Variants in RGS22 observed in about 807,000 individuals in gnomAD.
RGS22 encodes regulator of G-protein signaling 22.
Under a neutral mutation model 172.9 loss-of-function variants are expected in RGS22, and 148 were observed. The observed-to-expected ratio is 0.86, with a 90% confidence interval of 0.75 to 0.98. The LOEUF (loss-of-function observed/expected upper bound fraction) is 0.98. Ranked by LOEUF, RGS22 falls within the 50% of genes least tolerant of loss-of-function variation. The pLI is 0.00. For synonymous variants in RGS22, 458 were observed against 480.2 expected, an observed-to-expected ratio of 0.95 and a Z score of 0.60; for missense variants, 1,347 against 1,440.8, an observed-to-expected ratio of 0.93 and a Z score of 1.05.
intron 10 of RGS22, among the ~76,000 whole-genome samples, chr8:100,050,379 C>T (rs1358608364): frequency 2.0e-5 from 3 of 152,138 alleles, no homozygotes; most frequent in African/African-American, 7.2e-5. Flanking sequence ...TCTCTGAAGG[C>T]GGGACCCCTG....
chr8:99,991,680 T>C (rs187261339), intron 20 of RGS22, among the ~76,000 whole-genome samples: 59 of 152,294 alleles, frequency 3.9e-4, no homozygotes, highest in African/African-American at 1.3e-3. Flanking sequence ...TGGAACCAAG[T>C]TGGAAAACAC....
chr8:100,053,937 A>G (rs1821982967), intron 9 of RGS22, among the ~76,000 whole-genome samples: 1 of 152,202 alleles, frequency 6.6e-6, no homozygotes, highest in Non-Finnish European at 1.5e-5. Flanking sequence ...CCTGGCCTAT[A>G]AACATTTTTA....
intron 20 of RGS22, among the ~76,000 whole-genome samples, chr8:99,995,427 A>C (rs1158140059): frequency 6.6e-6 from 1 of 152,208 alleles, no homozygotes; most frequent in Non-Finnish European, 1.5e-5. Flanking sequence ...CAAGAAAAAA[A>C]CAACCCCATC....
Position 100,064,035 on chromosome 8 carries a change from T to C in RGS22, c.733A>G (p.Ile245Val). 1 of 1,505,092 alleles carries C rather than the reference T, an allele frequency of 6.6e-7. No individual in the cohort carries two copies. Among genetic ancestry groups the C allele is most frequent in the Admixed American group, 2.3e-5 (1 of 43,454 alleles). The allele number at this position is 1,505,092 out of a possible 1,614,324, so 93.2% of individuals were successfully genotyped here. Residue 245 changes from isoleucine to valine, a missense_variant, in exon 8 of 28, where the codon ATC becomes GTC. Coordinates refer to ENST00000360863, the MANE Select transcript of RGS22 (RefSeq NM_015668.5). ...PAISSVSENFIFDDGVHPRTK... is the reference protein window; with the variant it reads ...PAISSVSENFVFDDGVHPRTK... ...CTAGGGTGAACTCCATCATCAAAGA[T>C]AAAATTCTCTGTATTAAGTCATAAA...
At position 99,988,051 on chromosome 8, in the gene RGS22, A is replaced by G. The variant is rs1435454826; in HGVS notation, c.3019-432T>C. ...TTTTAAAAAGTAAAAGTAGTTAAACATTTAATATTTCTCATTTTTAAGAAA... is the reference window on the plus strand; with the variant it reads ...TTTTAAAAAGTAAAAGTAGTTAAACGTTTAATATTTCTCATTTTTAAGAAA... On this transcript the variant is annotated intron_variant, in intron 20 of 27. Coordinates refer to ENST00000360863, the MANE Select transcript of RGS22 (RefSeq NM_015668.5). Among the ~76,000 whole-genome samples the G allele has an allele frequency of 3.3e-5, 5 of 151,352 alleles. No individual in the cohort carries two copies. The East Asian group carries it at 7.7e-4, about 23-fold the overall frequency.
chr8:100,073,314 T>C (rs1163304930), intron 4 of RGS22, among the ~76,000 whole-genome samples: 1 of 152,108 alleles, frequency 6.6e-6, no homozygotes, highest in Non-Finnish European at 1.5e-5. Context: ...CGACATCCAA[T>C]GTGCTGATGC....
At chr8:100,093,888 A>C (rs956165010) in intron 2 of RGS22, among the ~76,000 whole-genome samples, 2 of 152,192 alleles carry the variant, frequency 1.3e-5, no homozygotes, top group Non-Finnish European at 2.9e-5. Context: ...CATAAAAATA[A>C]AGGCAGAGTC....
intron 14 of RGS22, among the ~76,000 whole-genome samples, chr8:100,032,741 T>G (rs1201471105): frequency 6.6e-6 from 1 of 152,176 alleles, no homozygotes; most frequent in Non-Finnish European, 1.5e-5. Flanking sequence ...ATAGCACTTA[T>G]TCTAAAATTG....
chr8:100,080,962 TTGAGTTTGAA>T, intron 3 of RGS22: 1 of 152,240 alleles, frequency 6.6e-6, no homozygotes, highest in Non-Finnish European at 1.5e-5. Flanking sequence ...GTCAGGAGTC[TTGAGTTTGAA>T]TGCCAGCTTG....
chr8:99,993,504 A>C (rs1813993874), intron 20 of RGS22, among the ~76,000 whole-genome samples: 1 of 152,230 alleles, frequency 6.6e-6, no homozygotes, highest in African/African-American at 2.4e-5. Flanking sequence ...CAGATGAACT[A>C]GGAAATCTAG....
intron 18 of RGS22, among the ~76,000 whole-genome samples, chr8:100,000,506 A>G (rs1304783091): frequency 6.6e-6 from 1 of 152,196 alleles, no homozygotes; most frequent in Admixed American, 6.5e-5. Flanking sequence ...AGTATAAAAT[A>G]CATTTTAAAA....
At chr8:100,013,501 T>C (rs1448043895) in intron 14 of RGS22, among the ~76,000 whole-genome samples, 1 of 152,208 alleles carries the variant, frequency 6.6e-6, no homozygotes, top group Non-Finnish European at 1.5e-5. Context: ...CTACGTGTGA[T>C]TTAGATAGTC....
chr8:100,104,409 G>A (rs1034718443), intron 2 of RGS22, among the ~76,000 whole-genome samples: 44 of 151,098 alleles, frequency 2.9e-4, no homozygotes, highest in African/African-American at 1.1e-3. Flanking sequence ...GCCAGAAGAT[G>A]GAAGGAATTT....
At chr8:100,039,243 C>T (rs1049655820) in intron 13 of RGS22, among the ~76,000 whole-genome samples, 1 of 152,008 alleles carries the variant, frequency 6.6e-6, no homozygotes, top group Admixed American at 6.6e-5. Flanking sequence ...GCATGTATGC[C>T]TCTCACATAA....
At chr8:100,062,564 G>T in intron 9 of RGS22, 27 bp downstream of exon 9, 2 of 1,489,502 alleles carry the variant, frequency 1.3e-6, no homozygotes, top group Non-Finnish European at 1.8e-6. Flanking sequence ...GAAAGTGAAA[G>T]TAAGTAACTG....
At chr8:100,089,767 T>G (rs1231248158) in intron 3 of RGS22, among the ~76,000 whole-genome samples, 3 of 152,184 alleles carry the variant, frequency 2.0e-5, no homozygotes, top group African/African-American at 7.2e-5. Flanking sequence ...TTTGTTTGTT[T>G]TGGTCCATTT....
intron 23 of RGS22, among the ~76,000 whole-genome samples, chr8:99,976,613 G>A (rs1236972090): frequency 7.2e-5 from 11 of 152,128 alleles, no homozygotes; most frequent in Middle Eastern, 3.4e-3. Context: ...CGCCCGCCTC[G>A]GCCTCCCAAA....
intron 3 of RGS22, among the ~76,000 whole-genome samples, chr8:100,092,223 G>T (rs1402972240): frequency 6.6e-6 from 1 of 151,884 alleles, no homozygotes; most frequent in Admixed American, 6.6e-5. Context: ...AATTTTCCCT[G>T]GAAAACAGTT....
chr8:99,979,952 AAGC>A (rs1233654794), intron 22 of RGS22, among the ~76,000 whole-genome samples: 2 of 152,204 alleles, frequency 1.3e-5, no homozygotes, highest in South Asian at 2.1e-4. Context: ...TCAGGAGAGA[AAGC>A]AGTAAGGGCC....
Sources: allele counts gnomAD v4.1 joint callset (sites outside exome capture counted in the v4.1 genomes callset), GRCh38; gene constraint gnomAD v4.1.1; transcripts MANE v1.5; gene names NCBI Gene and HGNC (gene_info 2026-07-23, HGNC 2026-07-21).